Variants in ARHGAP6 observed in about 807,000 individuals in gnomAD.
ARHGAP6 encodes rho GTPase-activating protein 6.
In ARHGAP6, 16 loss-of-function variants were observed where a neutral mutation model predicts 55.7. That is an observed-to-expected ratio of 0.29 (90% CI 0.19 to 0.44). ARHGAP6 has a LOEUF of 0.44. Ranked by LOEUF, ARHGAP6 falls within the 20% of genes least tolerant of loss-of-function variation. The pLI is 1.00. For missense variants in ARHGAP6, 698 were observed against 808.9 expected, an observed-to-expected ratio of 0.86 and a Z score of 1.66; for synonymous variants, 382 against 360.9, an observed-to-expected ratio of 1.06 and a Z score of -0.66.
chrX:11,621,457 G>T (rs1214815307), intron 1 of ARHGAP6, among the ~76,000 whole-genome samples: 1 of 107,476 alleles, frequency 9.3e-6, no homozygotes, highest in Non-Finnish European at 2.0e-5. Context: ...AAGAATAGGT[G>T]AATATAAATA....
chrX:11,282,665 C>A (rs1467508027), intron 1 of ARHGAP6, among the ~76,000 whole-genome samples: 1 of 112,051 alleles, frequency 8.9e-6, no homozygotes, highest in Non-Finnish European at 1.9e-5. Flanking sequence ...CTGGAGGTGG[C>A]ACCTGGCCAT....
chrX:11,664,646 C>T lies in ARHGAP6; in HGVS notation c.183G>A (p.Thr61=). Reference sequence around the variant, plus strand: ...GTGATGGGGAGTAGAGGCGGCCCGCCGTGGCTCCCCGCGCACTGCCCTCCG... The same window carrying T: ...GTGATGGGGAGTAGAGGCGGCCCGCTGTGGCTCCCCGCGCACTGCCCTCCG... ...AGAEGSARGA[T]AGRLYSPSLP... Residue 61 remains threonine, a synonymous_variant, in exon 1 of 13, where the codon ACG becomes ACA. Transcript: ENST00000337414. 8.6e-7 allele frequency: 1 copy of T among 1,159,108 alleles called. No individual in the cohort carries two copies. The highest frequency in any genetic ancestry group is 1.1e-6 in the Non-Finnish European group (1 of 869,821).
chrX:11,255,507 T>A (rs1224130116), intron 1 of ARHGAP6, among the ~76,000 whole-genome samples: 3 of 111,061 alleles, frequency 2.7e-5, no homozygotes, highest in Non-Finnish European at 3.8e-5. Context: ...ATATAGATGA[T>A]GAAACTGAGT....
chrX:11,557,991 A>G, intron 1 of ARHGAP6, among the ~76,000 whole-genome samples: 1 of 111,824 alleles, frequency 8.9e-6, no homozygotes, highest in Non-Finnish European at 1.9e-5. Context: ...ATGCATGCTC[A>G]AATCTCTAAG....
intron 1 of ARHGAP6, among the ~76,000 whole-genome samples, chrX:11,421,974 A>C (rs1317856798): frequency 1.8e-5 from 2 of 112,083 alleles, no homozygotes; most frequent in African/African-American, 6.5e-5. Flanking sequence ...AGCCAGATTC[A>C]TGTTCTCATA....
chrX:11,544,468 A>G (rs952030296), intron 1 of ARHGAP6, among the ~76,000 whole-genome samples: 10 of 111,994 alleles, frequency 8.9e-5, no homozygotes, highest in Middle Eastern at 4.6e-3. Flanking sequence ...TTTCCAATAA[A>G]CCCTAAAGGT....
intron 8 of ARHGAP6, among the ~76,000 whole-genome samples, chrX:11,175,009 A>C (rs937794363): frequency 1.8e-5 from 2 of 111,030 alleles, no homozygotes; most frequent in African/African-American, 6.6e-5. Flanking sequence ...CCATTCTTAC[A>C]TGGAAATGTT....
intron 1 of ARHGAP6, among the ~76,000 whole-genome samples, chrX:11,488,594 T>C (rs1304156861): frequency 9.0e-6 from 1 of 110,861 alleles, no homozygotes; most frequent in African/African-American, 3.3e-5. Context: ...GGTACTGGTA[T>C]GGTTAGGAAC....
chrX:11,415,355 T>C (rs2049734529), intron 1 of ARHGAP6, among the ~76,000 whole-genome samples: 2 of 111,871 alleles, frequency 1.8e-5, no homozygotes, highest in South Asian at 7.6e-4. Context: ...TTATGGGAAC[T>C]GATATCAGTG....
chrX:11,478,986 A>G (rs750113900), intron 1 of ARHGAP6, among the ~76,000 whole-genome samples: 24 of 112,177 alleles, frequency 2.1e-4, no homozygotes, highest in Non-Finnish European at 3.9e-4. Context: ...CCTAGCAGAA[A>G]TACTCATGCA....
intron 1 of ARHGAP6, among the ~76,000 whole-genome samples, chrX:11,532,108 T>C (rs191217159): frequency 4.4e-5 from 5 of 112,450 alleles, no homozygotes; most frequent in Admixed American, 9.4e-5. Flanking sequence ...CACACAACAC[T>C]GTAGCCACAA....
chrX:11,605,858 T>C (rs955840933), intron 1 of ARHGAP6, among the ~76,000 whole-genome samples: 2 of 108,131 alleles, frequency 1.8e-5, no homozygotes, highest in African/African-American at 6.8e-5. Context: ...CGGTAATGGG[T>C]AGAAAGGTGA....
chrX:11,502,231 GAC>G (rs1157611132), intron 1 of ARHGAP6, among the ~76,000 whole-genome samples: 2 of 112,387 alleles, frequency 1.8e-5, no homozygotes, highest in Non-Finnish European at 3.8e-5. Context: ...GTTAAAGCCA[GAC>G]ACAAAGTAAT....
At position 11,144,055 on chromosome X, in the gene ARHGAP6, C is replaced by T. The variant is rs753932193; in HGVS notation, c.2101G>A (p.Gly701Arg). 101 of 1,209,696 alleles carry T rather than the reference C, an allele frequency of 8.3e-5. No homozygotes were observed. The highest frequency in any genetic ancestry group is 2.3e-5 in the Non-Finnish European group (21 of 895,178). Residue 701 changes from glycine to arginine, a missense_variant, in exon 11 of 13, where the codon GGG (glycine) becomes AGG (arginine). Gly to Arg is a moderately radical substitution (Grantham distance 125). Transcript: ENST00000337414. Reference sequence around the variant, plus strand: ...AAGTGGCCCACCAGCATAAACTGCCCTGGCACTCTGTAAAGCTTCTCCGAG... The same window carrying T: ...AAGTGGCCCACCAGCATAAACTGCCTTGGCACTCTGTAAAGCTTCTCCGAG... ...GGSEKLYRVP[G>R]QFMLVGHLSS... is the part of the protein sequence containing the mutation.
At chrX:11,482,164 C>A (rs747899517) in intron 1 of ARHGAP6, among the ~76,000 whole-genome samples, 1 of 112,118 alleles carries the variant, frequency 8.9e-6, no homozygotes, top group South Asian at 3.7e-4. Flanking sequence ...GCCAGAGATG[C>A]TACTAAATAT....
chrX:11,337,491 G>A (rs963815024), intron 1 of ARHGAP6, among the ~76,000 whole-genome samples: 2 of 112,045 alleles, frequency 1.8e-5, no homozygotes, highest in African/African-American at 6.5e-5. Context: ...GAGGTCTGAA[G>A]TCCAAAGCAT....
intron 1 of ARHGAP6, among the ~76,000 whole-genome samples, chrX:11,506,156 C>T (rs895496838): frequency 9.0e-6 from 1 of 111,667 alleles, no homozygotes; most frequent in African/African-American, 3.3e-5. Flanking sequence ...CAGTCAGAAG[C>T]GTTTGCTTCT....
At chrX:11,447,258 T>G (rs2050101354) in intron 1 of ARHGAP6, among the ~76,000 whole-genome samples, 1 of 112,404 alleles carries the variant, frequency 8.9e-6, no homozygotes, top group Non-Finnish European at 1.9e-5. Flanking sequence ...ACCTTCCATG[T>G]GTCATCATTT....
chrX:11,531,284 G>A (rs969247167), intron 1 of ARHGAP6, among the ~76,000 whole-genome samples: 2 of 111,593 alleles, frequency 1.8e-5, no homozygotes, highest in African/African-American at 6.5e-5. Flanking sequence ...AATGCCCTTC[G>A]TATATATTGA....
Sources: gnomAD v4.1 joint callset for allele counts (sites outside exome capture counted in the v4.1 genomes callset) on GRCh38, gnomAD v4.1.1 for gene constraint, MANE v1.5 for transcripts, NCBI Gene and HGNC (gene_info 2026-07-23, HGNC 2026-07-21) for gene names.